Variants in SPTBN5 observed in about 807,000 individuals in gnomAD.
SPTBN5 encodes spectrin beta chain, non-erythrocytic 5.
In SPTBN5, 513 loss-of-function variants were observed where a neutral mutation model predicts 477.6. The ratio of observed to expected loss-of-function variants is 1.07; its 90% CI spans 1.00 to 1.16. The LOEUF is 1.16. SPTBN5 is among the 50% of genes most tolerant of loss of function. The pLI is 0.00. For synonymous variants in SPTBN5, 2,169 were observed against 2,011.7 expected, an observed-to-expected ratio of 1.08 and a Z score of -2.09; for missense variants, 5,062 against 4,731.8, an observed-to-expected ratio of 1.07 and a Z score of -2.05.
At chr15:41,876,305 G>C in intron 20 of SPTBN5, 21 bp from the exon 21 acceptor site, 1 of 1,530,266 alleles carries the variant, frequency 6.5e-7, no homozygotes, top group South Asian at 1.2e-5. Context: ...CCAGGCGAGA[G>C]TGGGTCTCAG....
At chr15:41,890,782 A>G (rs142361082) in intron 3 of SPTBN5, among the ~76,000 whole-genome samples, 3 of 152,344 alleles carry the variant, frequency 2.0e-5, no homozygotes, top group South Asian at 4.1e-4. Flanking sequence ...GGTGGCTCTT[A>G]GGTACACCAA....
At chr15:41,879,149 C>T in intron 16 of SPTBN5, 111 bp downstream of exon 16, 1 of 1,332,324 alleles carries the variant, frequency 7.5e-7, no homozygotes, top group Non-Finnish European at 1.0e-6. Flanking sequence ...CACAGCCCTC[C>T]TACCTGTTGT....
chr15:41,855,024 G>A (rs2065891957), intron 55 of SPTBN5, 48 bp from the exon 56 acceptor site: 3 of 1,497,832 alleles, frequency 2.0e-6, no homozygotes, highest in African/African-American at 1.4e-5. Context: ...GGTATCATGA[G>A]CTCTCAAAGC....
chr15:41,880,898 G>A lies in SPTBN5; in HGVS notation c.2658+136C>T, dbSNP rs1391858531. Reference sequence around the variant, plus strand: ...CACACCTGCATCTAATGAGTTGTCTGACATCTTCTCAGCCATGATAAAAGC... The same window carrying A: ...CACACCTGCATCTAATGAGTTGTCTAACATCTTCTCAGCCATGATAAAAGC... On this transcript the variant is annotated intron_variant, in intron 13 of 67. Transcript: ENST00000320955. 7 of 782,864 alleles carry A rather than the reference G, an allele frequency of 8.9e-6. No homozygotes were observed. In the African/African-American group the frequency reaches 1.2e-4, roughly 14 times the overall value. The allele number at this position is 782,864 out of a possible 1,614,324, so 48.5% of individuals were successfully genotyped here. A position where few individuals can be genotyped will look rare whatever the true frequency, so the allele number is the denominator to read the frequency against.
At chr15:41,863,042 A>G (rs12900619) in intron 41 of SPTBN5, 139 bp from the exon 42 acceptor site, 1 of 748,762 alleles carries the variant, frequency 1.3e-6, no homozygotes, top group Non-Finnish European at 2.2e-6. Flanking sequence ...AGGGCCAGAG[A>G]TCTCTTCCTT....
rs776361259 is a variant in SPTBN5 at position 41,854,832 on chromosome 15, T to C, written c.9568A>G (p.Ile3190Val). Reference protein sequence around the residue: ...YPHIQAQRSRIEAAWERLDQA... With the variant: ...YPHIQAQRSRVEAAWERLDQA... ...TCCAACCTCTCCCAAGCAGCCTCAA[T>C]GCGGCTCCTCTGGGCTTGGATGTGG... Residue 3190 changes from isoleucine to valine, a missense_variant, in exon 56 of 68, where the codon ATT becomes GTT. By Grantham distance (29) the Ile-to-Val change is conservative. Transcript: ENST00000320955. 6.3e-7 allele frequency: 1 copy of C among 1,593,654 alleles called. No individual in the cohort carries two copies. Among genetic ancestry groups the C allele is most frequent in the South Asian group, 1.1e-5 (1 of 87,934 alleles).
intron 39 of SPTBN5, among the ~76,000 whole-genome samples, chr15:41,865,116 C>T (rs1474707515): frequency 6.6e-6 from 1 of 152,134 alleles, no homozygotes; most frequent in African/African-American, 2.4e-5. Context: ...ATACATGTAC[C>T]GGGGGACAAG....
intron 16 of SPTBN5, 36 bp from the exon 17 acceptor site, chr15:41,878,665 G>C: frequency 6.3e-7 from 1 of 1,581,384 alleles, no homozygotes; most frequent in Non-Finnish European, 8.6e-7. Flanking sequence ...TCAGTGCCCT[G>C]TCCTGGGCCT....
In SPTBN5 at chr15:41,882,027, C is replaced by A. The variant is rs1262792612; in HGVS notation, c.2366G>T (p.Arg789Leu). 1 of 1,545,076 alleles carries A rather than the reference C, an allele frequency of 6.5e-7. No individual in the cohort carries two copies. The highest frequency in any genetic ancestry group is 8.7e-7 in the Non-Finnish European group (1 of 1,156,068). ...AAETLLRRHV[R>L]LERVLRAFAA... ...GAAGGCGCGCAGGACGCGCTCCAGC[C>A]GCACGTGGCGCCTCAGCAGGGTCTC... The change falls in exon 12 of 68, where the codon CGG (arginine) becomes CTG (leucine). Residue 789 changes from arginine (R) to leucine (L), a missense_variant. Arg to Leu is a moderately radical substitution (Grantham distance 102). Transcript: ENST00000320955.
At position 41,862,643 on chromosome 15, in the gene SPTBN5, C is replaced by T. The variant is rs1463877181; in HGVS notation, c.7281G>A (p.Val2427=). 1 of 1,554,408 alleles carries T rather than the reference C, an allele frequency of 6.4e-7. No individual in the cohort carries two copies. Among genetic ancestry groups the T allele is most frequent in the Non-Finnish European group, 8.7e-7 (1 of 1,152,810 alleles). The change falls in exon 43 of 68, where the codon GTG becomes GTA. Residue 2427 remains valine, a synonymous_variant. Coordinates refer to ENST00000320955, the MANE Select transcript of SPTBN5 (RefSeq NM_016642.4). The stretch of plus-strand genomic sequence containing the variant: ...CGGGGCTTCTTTGGCAGAGGCGGCC[C>T]ACTTCACGCTCTAGGGACTGCGGGG... The part of the protein sequence containing the change: ...QAQVESLERE[V]GRLCQRSPEA...
At position 41,888,074 on chromosome 15, in the gene SPTBN5, C is replaced by A; in HGVS notation, c.513G>T (p.Gly171=). 1 of 1,571,826 alleles carries A rather than the reference C, an allele frequency of 6.4e-7. No individual in the cohort carries two copies. Among genetic ancestry groups the A allele is most frequent in the Non-Finnish European group, 8.6e-7 (1 of 1,159,230 alleles). ...SHISLDKEEF[G]ASAALLSTKE... is the part of the protein sequence containing the mutation. ...TGGTGGACAGCAGGGCTGCGCTGGC[C>A]CCAAACTCCTCCTGGCGGGACAGGG... The change falls in exon 5 of 68, where the codon GGG becomes GGT. Residue 171 remains glycine (G), a synonymous_variant. Coordinates refer to ENST00000320955, the MANE Select transcript of SPTBN5 (RefSeq NM_016642.4).
At chr15:41,864,460 C>A (rs1367714418) in intron 39 of SPTBN5, among the ~76,000 whole-genome samples, 5 of 152,208 alleles carry the variant, frequency 3.3e-5, no homozygotes, top group Non-Finnish European at 1.5e-5. Context: ...ACTACAGGTG[C>A]CTGCCACCAA....
intron 32 of SPTBN5, among the ~76,000 whole-genome samples, chr15:41,868,909 C>T (rs112209467): frequency 0.035 from 5,338 of 152,300 alleles, 170 homozygotes; most frequent in South Asian, 0.049. Context: ...AGAGGACTGG[C>T]GGCTAGCAAG....
In SPTBN5 at chr15:41,880,293, T is replaced by G; in HGVS notation, c.2678A>C (p.Glu893Ala). The G allele has an allele frequency of 6.2e-7, 1 of 1,605,208 alleles. No individual in the cohort carries two copies. The highest frequency in any genetic ancestry group is 8.5e-7 in the Non-Finnish European group (1 of 1,176,754). ...GAAACCGAACAGGGCCATGGCCTCCTCCAACCGGGCCCTGCGGAGCTGGGG... is the reference window on the plus strand; with the variant it reads ...GAAACCGAACAGGGCCATGGCCTCCGCCAACCGGGCCCTGCGGAGCTGGGG... ...ALAQLRRARLEEAMALFGFCS... is the reference protein window; with the variant it reads ...ALAQLRRARLAEAMALFGFCS... The change falls in exon 14 of 68, where the codon GAG becomes GCG. Residue 893 changes from glutamate (E) to alanine (A), a missense_variant. Transcript: ENST00000320955.
chr15:41,882,186 G>A (rs1444847835), intron 11 of SPTBN5, 41 bp from the exon 12 acceptor site: 3 of 1,500,720 alleles, frequency 2.0e-6, no homozygotes, highest in Non-Finnish European at 2.7e-6. Context: ...GAAGGGGCGC[G>A]GCTGAGCGCG....
rs201539060 is a variant in SPTBN5 at position 41,850,904 on chromosome 15, G to C, written c.10871C>G (p.Pro3624Arg). 4.3e-4 allele frequency: 697 copies of C among 1,603,998 alleles called. 3 individuals are homozygous for C. The highest frequency in any genetic ancestry group is 4.9e-4 in the Non-Finnish European group (579 of 1,176,054). Residue 3624 changes from proline to arginine, a missense_variant, in exon 66 of 68, where the codon CCG becomes CGG. Transcript: ENST00000320955. ...TSGAEILFAAPSEEQAESWWR... is the reference protein window; with the variant it reads ...TSGAEILFAARSEEQAESWWR... Reference sequence around the variant, plus strand: ...CCAGCTCTCAGCCTGCTCTTCGGACGGTGCTGCAAACAGGATCTCTGCCCC... The same window carrying C: ...CCAGCTCTCAGCCTGCTCTTCGGACCGTGCTGCAAACAGGATCTCTGCCCC...
In SPTBN5 at chr15:41,887,423, G is replaced by A. The variant is rs768818543; in HGVS notation, c.678C>T (p.Tyr226=). Reference sequence around the variant, plus strand: ...GTGGGCGGTCTGGACGCAGGGAGCCGTAGTCCAACAGGTCTGGCCTGGACA... The same window carrying A: ...GTGGGCGGTCTGGACGCAGGGAGCCATAGTCCAACAGGTCTGGCCTGGACA... ...IHAHRPDLLD[Y]GSLRPDRPLH... is the part of the protein sequence containing the mutation. Residue 226 remains tyrosine, a synonymous_variant, in exon 6 of 68, where the codon TAC becomes TAT. Coordinates refer to ENST00000320955, the MANE Select transcript of SPTBN5 (RefSeq NM_016642.4). The A allele has an allele frequency of 2.2e-5, 34 of 1,552,872 alleles. No individual in the cohort carries two copies. Among genetic ancestry groups the A allele is most frequent in the South Asian group, 1.3e-4 (11 of 84,126 alleles).
chr15:41,857,419 T>C lies in SPTBN5; in HGVS notation c.8440A>G (p.Thr2814Ala), dbSNP rs560872615. Residue 2814 changes from threonine to alanine, a missense_variant, in exon 51 of 68, where the codon ACT (threonine) becomes GCT (alanine). By Grantham distance (58) the Thr-to-Ala change is moderately conservative. Transcript: ENST00000320955. ...ACCCCAGGCAGGGCCTGGCCCACAG[T>C]GGGGGCTCTCAGCTCAACCTCGATG... ...EPIEVELRAPTVGQALPGVGE... is the reference protein window; with the variant it reads ...EPIEVELRAPAVGQALPGVGE... 3.4e-5 allele frequency: 55 copies of C among 1,601,054 alleles called. 1 individual carries two copies. In the East Asian group the frequency reaches 1.2e-3, roughly 36 times the overall value.
At chr15:41,862,952 C>T (rs949715365) in intron 41 of SPTBN5, 49 bp from the exon 42 acceptor site, 10 of 1,519,872 alleles carry the variant, frequency 6.6e-6, no homozygotes, top group Non-Finnish European at 8.9e-6. Flanking sequence ...GCTTCGGCTC[C>T]TCCTTCCTGG....
Sources: allele counts gnomAD v4.1 joint callset (sites outside exome capture counted in the v4.1 genomes callset), GRCh38; gene constraint gnomAD v4.1.1; transcripts MANE v1.5; gene names NCBI Gene and HGNC (gene_info 2026-07-23, HGNC 2026-07-21).